Variants in REL observed in about 807,000 individuals in gnomAD.
The protein encoded by REL is REL proto-oncogene, NF-kB subunit.
REL carries 15 observed loss-of-function variants against 45.9 expected under a neutral mutation model. That is an observed-to-expected ratio of 0.33 (90% confidence interval 0.22 to 0.50). The LOEUF (loss-of-function observed/expected upper bound fraction) is 0.50. Among genes scored for constraint, REL ranks in the 20% least tolerant of loss-of-function variants. The pLI, the probability that REL is intolerant of heterozygous loss-of-function variation, is 0.98. For missense variants in REL, 601 were observed against 715.2 expected (o/e 0.84, Z 1.82); for synonymous variants, 239 against 242.1 (o/e 0.99, Z 0.12).
chr2:60,922,520 A>T lies in REL; in HGVS notation c.1749A>T (p.Glu583Asp), dbSNP rs767945446. The T allele has an allele frequency of 9.4e-6, 15 of 1,599,146 alleles. No individual in the cohort carries two copies. The highest frequency in any genetic ancestry group is 1.7e-4 in the Middle Eastern group (1 of 6,008). ...AATTGAGTGACTCCTTTCCATATGA[A>T]TTTTTTCAAGTATAACTTGCAAGAT... ...NEQLSDSFPY[E>D]FFQV The change falls in exon 10 of 10, where the codon GAA becomes GAT. Residue 583 changes from glutamate (E) to aspartate (D), a missense_variant. Transcript: ENST00000394479.
chr2:60,912,914 A>G (rs561998906), intron 4 of REL, among the ~76,000 whole-genome samples: 48 of 152,234 alleles, frequency 3.2e-4, no homozygotes, highest in Non-Finnish European at 4.9e-4. Context: ...CGGATTCCCT[A>G]CCTCACATCA....
Position 60,928,554 on chromosome 2 carries a change from A to T in REL, c.*6019A>T, listed in dbSNP as rs1397172468. ...AACTATCTGATCTTTGACAAACCTG[A>T]GAAAAACAAGCAATGGGGAAAGGAT... On this transcript the variant is annotated 3_prime_UTR_variant, in exon 10 of 10. Coordinates refer to ENST00000394479, the MANE Select transcript of REL (RefSeq NM_001291746.2). 7.1e-6 allele frequency: 1 copy of T among 141,450 alleles called. No homozygotes were observed. The highest frequency in any genetic ancestry group is 1.5e-5 in the Non-Finnish European group (1 of 64,968). 8.8% of individuals were successfully genotyped at this position (141,450 alleles called of 1,614,324 possible).
Position 60,918,223 on chromosome 2 carries a change from C to T in REL, c.568C>T (p.Arg190Cys), listed in dbSNP as rs1298545694. The change falls in exon 6 of 10, where the codon CGT becomes TGT. Residue 190 changes from arginine to cysteine, a missense_variant. Arg to Cys is a radical substitution (Grantham distance 180). Around this residue, in one of 4 missense-constraint regions of REL, gnomAD observed 241 missense variants for 347.0 expected, o/e 0.69. Coordinates refer to ENST00000394479, the MANE Select transcript of REL (RefSeq NM_001291746.2). ...APNTAELRICRVNKNCGSVRG... is the reference protein window; with the variant it reads ...APNTAELRICCVNKNCGSVRG... ...AAATACTGCAGAATTAAGGATTTGTCGTGTAAACAAGAATTGTGGAAGTGT... is the reference window on the plus strand; with the variant it reads ...AAATACTGCAGAATTAAGGATTTGTTGTGTAAACAAGAATTGTGGAAGTGT... 1.2e-6 allele frequency: 2 copies of T among 1,608,658 alleles called. No individual in the cohort carries two copies. Among genetic ancestry groups the T allele is most frequent in the South Asian group, 1.1e-5 (1 of 90,096 alleles).
At chr2:60,919,831 G>A (rs1674087065) in intron 7 of REL, among the ~76,000 whole-genome samples, 1 of 152,182 alleles carries the variant, frequency 6.6e-6, no homozygotes, top group Non-Finnish European at 1.5e-5. Context: ...AAAGTGCTGA[G>A]ATTACTTTAA....
chr2:60,889,286 T>C (rs1037065081), intron 1 of REL, among the ~76,000 whole-genome samples: 4 of 152,168 alleles, frequency 2.6e-5, no homozygotes, highest in African/African-American at 7.2e-5. Flanking sequence ...CCTGACTCTT[T>C]CGCTCTTATT....
chr2:60,891,806 G>A lies in REL; in HGVS notation c.134G>A (p.Arg45Gln), dbSNP rs1456684871. Residue 45 changes from arginine (R) to glutamine (Q), a missense_variant, in exon 2 of 10, where the codon CGA (arginine) becomes CAA (glutamine). Arg to Gln is a conservative substitution (Grantham distance 43). Transcript: ENST00000394479. ...GGGGAGCACAGCACAGACAACAACCGAACATACCCTTCTATCCAGGTAATA... is the reference window on the plus strand; with the variant it reads ...GGGGAGCACAGCACAGACAACAACCAAACATACCCTTCTATCCAGGTAATA... ...IPGEHSTDNN[R>Q]TYPSIQIMNY... 5 of 1,613,124 alleles carry A rather than the reference G, an allele frequency of 3.1e-6. No homozygotes were observed. The highest frequency in any genetic ancestry group is 1.3e-5 in the African/African-American group (1 of 74,826).
At chr2:60,920,438 T>C (rs1674108734) in intron 8 of REL, 136 bp from the exon 9 acceptor site, 1 of 711,786 alleles carries the variant, frequency 1.4e-6, no homozygotes, top group East Asian at 2.7e-5. Context: ...TGACATCAGG[T>C]GATCCACCCA....
At position 60,925,750 on chromosome 2, in the gene REL, C is replaced by A; in HGVS notation, c.*3215C>A. 5.0e-6 allele frequency: 1 copy of A among 200,878 alleles called. No homozygotes were observed. Among genetic ancestry groups the A allele is most frequent in the African/African-American group, 2.3e-5 (1 of 43,336 alleles). 12.4% of individuals were successfully genotyped at this position (200,878 alleles called of 1,614,324 possible). A position where few individuals can be genotyped will look rare whatever the true frequency, so the allele number is the denominator to read the frequency against. On this transcript the variant is annotated 3_prime_UTR_variant, in exon 10 of 10. Coordinates refer to ENST00000394479, the MANE Select transcript of REL (RefSeq NM_001291746.2). The stretch of plus-strand genomic sequence containing the variant: ...TAGTTTTGGATTAATTAGCACCAAT[C>A]AGTTTAAACACTGACTGTTAGAATA...
At chr2:60,882,079 A>G (rs1672955387) in intron 1 of REL, among the ~76,000 whole-genome samples, 1 of 152,334 alleles carries the variant, frequency 6.6e-6, no homozygotes, top group South Asian at 2.1e-4. Flanking sequence ...GGAACCTTAG[A>G]AATTCCCAAC....
intron 2 of REL, among the ~76,000 whole-genome samples, chr2:60,892,462 CT>C: frequency 6.6e-6 from 1 of 152,162 alleles, no homozygotes; most frequent in African/African-American, 2.4e-5. Context: ...GAGTTTCACA[CT>C]TGTCGCCCAG....
chr2:60,926,955 C>A lies in REL; in HGVS notation c.*4420C>A, dbSNP rs1320270508. 8.9e-6 allele frequency: 2 copies of A among 223,810 alleles called. No homozygotes were observed. The highest frequency in any genetic ancestry group is 1.8e-5 in the Non-Finnish European group (2 of 112,042). 13.9% of individuals were successfully genotyped at this position (223,810 alleles called of 1,614,324 possible). ...ATAGCTAGCATTCCTTGAAAAAAAA[C>A]AATTCTCTCAGGCCTCCATACCTTT... On this transcript the variant is annotated 3_prime_UTR_variant, in exon 10 of 10. Coordinates refer to ENST00000394479, the MANE Select transcript of REL (RefSeq NM_001291746.2).
chr2:60,903,033 A>C (rs192740038), intron 4 of REL, among the ~76,000 whole-genome samples: 73 of 152,356 alleles, frequency 4.8e-4, no homozygotes, highest in African/African-American at 1.7e-3. Context: ...GAGTATGCTC[A>C]TTTAAAATTG....
intron 3 of REL, chr2:60,898,933 T>TG: frequency 6.6e-6 from 1 of 152,346 alleles, no homozygotes; most frequent in East Asian, 1.9e-4. Context: ...AATGAATGAA[T>TG]AATTGATTCA....
At chr2:60,895,393 G>T (rs980365644) in intron 3 of REL, among the ~76,000 whole-genome samples, 1 of 151,770 alleles carries the variant, frequency 6.6e-6, no homozygotes, top group Non-Finnish European at 1.5e-5. Flanking sequence ...GTTGCCGAGG[G>T]TGGTCTTGAA....
intron 4 of REL, among the ~76,000 whole-genome samples, chr2:60,909,703 C>T (rs1673758059): frequency 6.6e-6 from 1 of 152,128 alleles, no homozygotes; most frequent in South Asian, 2.1e-4. Context: ...GAGATACAGA[C>T]CATCCTGGCC....
chr2:60,922,235 A>G lies in REL; in HGVS notation c.1464A>G (p.Glu488=). Residue 488 remains glutamate (E), a synonymous_variant, in exon 10 of 10, where the codon GAA becomes GAG. Coordinates refer to ENST00000394479, the MANE Select transcript of REL (RefSeq NM_001291746.2). The part of the protein sequence containing the change: ...DNPRLLSMNL[E]NPSCNSVLDP... ...CAAGACTTCTGAGCATGAATCTTGA[A>G]AACCCCTCATGTAATTCAGTGTTAG... The G allele has an allele frequency of 6.2e-7, 1 of 1,614,152 alleles. No homozygotes were observed.
chr2:60,906,913 AT>A (rs1162627805), intron 4 of REL, among the ~76,000 whole-genome samples: 160 of 104,316 alleles, frequency 1.5e-3, no homozygotes, highest in East Asian at 0.011. Context: ...ATATATATAT[AT>A]TTTTTTTTTT....
intron 6 of REL, 31 bp from the exon 7 acceptor site, chr2:60,918,363 A>ATTTTTTTTTTTTTTT: frequency 7.6e-7 from 1 of 1,310,698 alleles, no homozygotes; most frequent in Non-Finnish European, 1.1e-6. Flanking sequence ...TTGTTTTCCC[A>ATTTTTTTTTTTTTTT]TTTTTTTTTT....
chr2:60,903,535 A>T (rs146176657), intron 4 of REL, among the ~76,000 whole-genome samples: 1,542 of 151,408 alleles, frequency 0.01, 35 homozygotes, highest in African/African-American at 0.035. Flanking sequence ...CACCATGCCC[A>T]GCTAATTTTT....
Sources: allele counts gnomAD v4.1 joint callset (sites outside exome capture counted in the v4.1 genomes callset), GRCh38; gene constraint gnomAD v4.1.1; regional missense constraint gnomAD v4.1.1; transcripts MANE v1.5; gene names NCBI Gene and HGNC (gene_info 2026-07-23, HGNC 2026-07-21).